Variants in MXD1 observed in about 807,000 individuals in gnomAD.
MXD1 encodes the protein MAX-binding protein.
In MXD1, 9 loss-of-function variants were observed where a neutral mutation model predicts 25.7. That is an observed-to-expected ratio of 0.35 (90% CI 0.21 to 0.61). The LOEUF (loss-of-function observed/expected upper bound fraction) is 0.61. Among genes scored for constraint, MXD1 ranks in the 20% least tolerant of loss-of-function variants. MXD1 has a pLI of 0.75. For missense variants in MXD1, 227 were observed against 292.4 expected, an observed-to-expected ratio of 0.78 and a Z score of 1.63; for synonymous variants, 99 against 113.9, an observed-to-expected ratio of 0.87 and a Z score of 0.83.
chr2:69,925,984 A>T (rs1444085075), intron 3 of MXD1, among the ~76,000 whole-genome samples: 1 of 152,176 alleles, frequency 6.6e-6, no homozygotes, highest in African/African-American at 2.4e-5. Flanking sequence ...TGCATTTCTC[A>T]TACTACTAGC....
intron 3 of MXD1, among the ~76,000 whole-genome samples, chr2:69,934,089 G>A (rs1300097306): frequency 6.6e-6 from 1 of 152,202 alleles, no homozygotes. Context: ...GTGTGTTTGA[G>A]GCACGGTGAC....
Position 69,941,563 on chromosome 2 carries a change from TGAGTG to T in MXD1, c.*3280_*3284del, listed in dbSNP as rs1245609521. The T allele has an allele frequency of 6.6e-6, 1 of 152,224 alleles. No individual in the cohort carries two copies. The highest frequency in any genetic ancestry group is 1.5e-5 in the Non-Finnish European group (1 of 68,038). The allele number at this position is 152,224 out of a possible 1,614,324, so 9.4% of individuals were successfully genotyped here. ...GGCCCTCGTCCTGCAGTTGGCCACT[TGAGTG>T]TTTTGTTTTGTTTTTATTTTTTAAG... On this transcript the variant is annotated 3_prime_UTR_variant, in exon 6 of 6. Transcript: ENST00000264444.
intron 3 of MXD1, among the ~76,000 whole-genome samples, chr2:69,923,338 G>A (rs1256005720): frequency 3.9e-5 from 6 of 152,208 alleles, no homozygotes; most frequent in South Asian, 4.1e-4. Context: ...TTTGAAATGC[G>A]GGCTACCCAT....
At chr2:69,928,330 T>C (rs1056812966) in intron 3 of MXD1, among the ~76,000 whole-genome samples, 4 of 152,152 alleles carry the variant, frequency 2.6e-5, no homozygotes, top group African/African-American at 9.7e-5. Flanking sequence ...AAGGTTATGA[T>C]AGGCTGTGAA....
chr2:69,937,191 G>A (rs1196185958), intron 4 of MXD1, 44 bp from the exon 5 acceptor site: 55 of 1,609,990 alleles, frequency 3.4e-5, no homozygotes, highest in Non-Finnish European at 4.4e-5. Context: ...TGCCCATTTA[G>A]AGATCTCCCT....
rs896381533 is a variant in MXD1, at chr2:69,916,191, C to G, written c.144C>G (p.Asn48Lys). 1.2e-6 allele frequency: 2 copies of G among 1,610,966 alleles called. No individual in the cohort carries two copies. Among genetic ancestry groups the G allele is most frequent in the Non-Finnish European group, 1.7e-6 (2 of 1,177,578 alleles). The change falls in exon 2 of 6, where the codon AAC becomes AAG. Residue 48 changes from asparagine to lysine, a missense_variant. By Grantham distance (94) the Asn-to-Lys change is moderately conservative. Coordinates refer to ENST00000264444, the MANE Select transcript of MXD1 (RefSeq NM_002357.4). ...ACAGAGATGCCTTAAAACGGAGGAA[C>G]AAATCCAAAAAGAATAACAGCAGTA... ...NKDRDALKRR[N>K]KSKKNNSSSR...
rs1227544277 is a variant in MXD1, at chr2:69,941,346, TTTC to T, written c.*3065_*3067del. On this transcript the variant is annotated 3_prime_UTR_variant, in exon 6 of 6. Transcript: ENST00000264444. The stretch of plus-strand genomic sequence containing the variant: ...GCACCCAGGTCGTCTGTATTTTGGT[TTTC>T]TTTTGCTAAGCAGAGATCTTGAATT... 1.3e-5 allele frequency: 2 copies of T among 152,216 alleles called. No individual in the cohort carries two copies. The highest frequency in any genetic ancestry group is 2.4e-5 in the African/African-American group (1 of 41,442). 9.4% of individuals were successfully genotyped at this position (152,216 alleles called of 1,614,324 possible). A position where few individuals can be genotyped will look rare whatever the true frequency, so the allele number is the denominator to read the frequency against.
At chr2:69,917,203 C>T (rs1676977678) in intron 2 of MXD1, among the ~76,000 whole-genome samples, 1 of 152,208 alleles carries the variant, frequency 6.6e-6, no homozygotes, top group African/African-American at 2.4e-5. Flanking sequence ...CTAAAAATCA[C>T]TTGTTCTTGC....
Position 69,939,568 on chromosome 2 carries a change from CTT to C in MXD1, c.*1286_*1287del, listed in dbSNP as rs1180897375. 1.3e-5 allele frequency: 2 copies of C among 152,584 alleles called. No homozygotes were observed. Among genetic ancestry groups the C allele is most frequent in the South Asian group, 2.1e-4 (1 of 4,830 alleles). 9.5% of individuals were successfully genotyped at this position (152,584 alleles called of 1,614,324 possible). ...TGTAATGGAAAACAAATTCTTATGACTTTGTGGTTTTATAGATGTTCTAGAAA... is the reference window on the plus strand; with the variant it reads ...TGTAATGGAAAACAAATTCTTATGACTGTGGTTTTATAGATGTTCTAGAAA... On this transcript the variant is annotated 3_prime_UTR_variant, in exon 6 of 6. Coordinates refer to ENST00000264444, the MANE Select transcript of MXD1 (RefSeq NM_002357.4).
chr2:69,916,059 AGAGAG>A (rs1484362308), intron 1 of MXD1, 57 bp from the exon 2 acceptor site: 7 of 864,864 alleles, frequency 8.1e-6, no homozygotes, highest in Non-Finnish European at 1.4e-5. Flanking sequence ...GAAATACTGT[AGAGAG>A]GAGAGAGCAT....
chr2:69,934,802 G>A (rs943765707), intron 3 of MXD1, among the ~76,000 whole-genome samples: 3 of 152,252 alleles, frequency 2.0e-5, no homozygotes, highest in South Asian at 2.1e-4. Context: ...AGTACTACAC[G>A]GTGTGGATGT....
At chr2:69,935,958 C>T (rs1677425162) in intron 4 of MXD1, among the ~76,000 whole-genome samples, 1 of 152,096 alleles carries the variant, frequency 6.6e-6, no homozygotes, top group Admixed American at 6.6e-5. Flanking sequence ...ACCTGGTCTG[C>T]CCCAGATTCT....
chr2:69,923,152 C>T (rs1677102630), intron 3 of MXD1, among the ~76,000 whole-genome samples: 1 of 151,670 alleles, frequency 6.6e-6, no homozygotes, highest in African/African-American at 2.4e-5. Flanking sequence ...TTTTAAAAGC[C>T]AACAAACAAA....
chr2:69,935,724 T>A (rs1677416112), intron 4 of MXD1, among the ~76,000 whole-genome samples: 1 of 152,212 alleles, frequency 6.6e-6, no homozygotes, highest in Non-Finnish European at 1.5e-5. Context: ...CTCCTGCTCC[T>A]TAACCATATA....
intron 3 of MXD1, among the ~76,000 whole-genome samples, chr2:69,933,318 A>G (rs1019719268): frequency 6.6e-6 from 1 of 152,098 alleles, no homozygotes; most frequent in Non-Finnish European, 1.5e-5. Context: ...TTCTAATAAC[A>G]TGATCTATTT....
At chr2:69,936,405 A>G (rs1206522512) in intron 4 of MXD1, among the ~76,000 whole-genome samples, 1 of 152,150 alleles carries the variant, frequency 6.6e-6, no homozygotes, top group Non-Finnish European at 1.5e-5. Context: ...CACAGAGTTG[A>G]CACTCTCTTT....
At chr2:69,929,665 A>G (rs1210988454) in intron 3 of MXD1, among the ~76,000 whole-genome samples, 1 of 152,226 alleles carries the variant, frequency 6.6e-6, no homozygotes, top group Non-Finnish European at 1.5e-5. Context: ...CAGCAGAAAT[A>G]CGTGGTATCT....
chr2:69,925,742 T>C (rs1415279889), intron 3 of MXD1, among the ~76,000 whole-genome samples: 1 of 152,202 alleles, frequency 6.6e-6, no homozygotes. Flanking sequence ...TAAACAATGC[T>C]TTCTTAAACC....
rs372100247 is a variant in MXD1 at position 69,925,382 on chromosome 2, C to T, written c.203+3617C>T. Among the ~76,000 whole-genome samples the T allele has an allele frequency of 5.3e-4, 80 of 152,110 alleles. No individual in the cohort carries two copies. In the South Asian group the frequency reaches 0.016, roughly 31 times the overall value. Reference sequence around the variant, plus strand: ...TAGCACTCAGAGAAAACCAATGGAACTTGAAAATATATCTTTCCAATTGTT... The same window carrying T: ...TAGCACTCAGAGAAAACCAATGGAATTTGAAAATATATCTTTCCAATTGTT... On this transcript the variant is annotated intron_variant, in intron 3 of 5. Coordinates refer to ENST00000264444, the MANE Select transcript of MXD1 (RefSeq NM_002357.4).
Sources: gnomAD v4.1 joint callset for allele counts (sites outside exome capture counted in the v4.1 genomes callset) on GRCh38, gnomAD v4.1.1 for gene constraint, MANE v1.5 for transcripts, NCBI Gene and HGNC (gene_info 2026-07-23, HGNC 2026-07-21) for gene names.